CMIP: variants seen among roughly 807,000 people sequenced by gnomAD.
The protein encoded by CMIP is C-Maf-inducing protein.
A neutral mutation model predicts 97.3 loss-of-function variants in CMIP; 13 were observed. The ratio of observed to expected loss-of-function variants is 0.13; its 90% CI spans 0.09 to 0.21. The LOEUF is 0.21. Among genes scored for constraint, CMIP ranks in the 10% least tolerant of loss-of-function variants. CMIP has a pLI of 1.00. For synonymous variants in CMIP, 538 were observed against 436.3 expected, an observed-to-expected ratio of 1.23 and a Z score of -2.91; for missense variants, 847 against 1,024.9, an observed-to-expected ratio of 0.83 and a Z score of 2.37.
At chr16:81,494,126 C>G (rs1355599810) in intron 1 of CMIP, among the ~76,000 whole-genome samples, 1 of 152,208 alleles carries the variant, frequency 6.6e-6, no homozygotes, top group East Asian at 1.9e-4. Flanking sequence ...AAGCTTCCCT[C>G]CAGGCACGGT....
intron 10 of CMIP, among the ~76,000 whole-genome samples, chr16:81,684,040 C>T (rs972066787): frequency 2.6e-5 from 4 of 152,154 alleles, no homozygotes; most frequent in South Asian, 2.1e-4. Context: ...GGATTACAGG[C>T]GTGAGCCACC....
chr16:81,458,980 C>T (rs1053775752), intron 1 of CMIP, among the ~76,000 whole-genome samples: 11 of 152,146 alleles, frequency 7.2e-5, no homozygotes, highest in African/African-American at 1.9e-4. Context: ...CTGTCATCTC[C>T]GCTGTCACCA....
chr16:81,694,940 A>C (rs1451586802), intron 13 of CMIP, among the ~76,000 whole-genome samples: 1 of 152,160 alleles, frequency 6.6e-6, no homozygotes, highest in Non-Finnish European at 1.5e-5. Context: ...TTTTTCTTAA[A>C]CTTAAGTCTT....
At chr16:81,701,550 A>T in intron 15 of CMIP, 110 bp from the exon 16 acceptor site, 1 of 1,467,260 alleles carries the variant, frequency 6.8e-7, no homozygotes, top group Non-Finnish European at 9.5e-7. Context: ...GGCTGCAGAA[A>T]GGGGATAGTG....
rs370967588 is a variant in CMIP at position 81,514,500 on chromosome 16, C to G, written c.300+68959C>G. Among the ~76,000 whole-genome samples, 9 of 152,338 alleles carry G rather than the reference C, an allele frequency of 5.9e-5. 1 individual carries two copies. In the South Asian group the frequency reaches 1.9e-3, roughly 32 times the overall value. On this transcript the variant is annotated intron_variant, in intron 1 of 20. Transcript: ENST00000537098. The stretch of plus-strand genomic sequence containing the variant: ...ACCTTAGACAAGTGGTTTGCGCTCA[C>G]TGAGCCTCCATTCTTCATCTGCAAA...
intron 1 of CMIP, among the ~76,000 whole-genome samples, chr16:81,552,509 A>C (rs1243750015): frequency 1.3e-5 from 2 of 152,146 alleles, no homozygotes; most frequent in African/African-American, 2.4e-5. Context: ...CAGCTTCTAG[A>C]GGCCACCTGC....
At chr16:81,553,713 C>G (rs2090706670) in intron 1 of CMIP, among the ~76,000 whole-genome samples, 1 of 152,254 alleles carries the variant, frequency 6.6e-6, no homozygotes, top group South Asian at 2.1e-4. Context: ...TTTGTGTTTT[C>G]TCTTTCCCGT....
chr16:81,700,741 G>A (rs908897384), intron 15 of CMIP, among the ~76,000 whole-genome samples: 1 of 152,210 alleles, frequency 6.6e-6, no homozygotes. Context: ...GGGACATCCC[G>A]GGCGGAGGCT....
At chr16:81,570,643 G>C (rs1021329426) in intron 1 of CMIP, among the ~76,000 whole-genome samples, 9 of 152,114 alleles carry the variant, frequency 5.9e-5, no homozygotes, top group Admixed American at 2.0e-4. Flanking sequence ...GGAGAACCAG[G>C]GATGGCCTGA....
At chr16:81,636,792 C>T (rs1033634679) in intron 3 of CMIP, among the ~76,000 whole-genome samples, 13 of 152,046 alleles carry the variant, frequency 8.6e-5, no homozygotes, top group Non-Finnish European at 1.3e-4. Context: ...GGTCCTCCCC[C>T]GAGCCACTTC....
intron 1 of CMIP, among the ~76,000 whole-genome samples, chr16:81,491,664 C>G (rs960272296): frequency 2.0e-5 from 3 of 152,306 alleles, no homozygotes; most frequent in African/African-American, 7.2e-5. Context: ...CCTCACTTGG[C>G]GAACTCTTGC....
intron 1 of CMIP, among the ~76,000 whole-genome samples, chr16:81,590,035 C>A (rs1393877213): frequency 2.7e-5 from 4 of 150,790 alleles, no homozygotes; most frequent in Admixed American, 2.6e-4. Context: ...GGATTGACTG[C>A]AGGGGCTGCC....
chr16:81,684,558 G>A (rs910145425), intron 10 of CMIP, among the ~76,000 whole-genome samples: 1 of 152,260 alleles, frequency 6.6e-6, no homozygotes, highest in African/African-American at 2.4e-5. Flanking sequence ...GCTGCGTGAG[G>A]TGGGAGACCC....
rs943744816 is a variant in CMIP, at chr16:81,672,015, C to G, written c.979C>G (p.Leu327Val). 3 of 1,606,638 alleles carry G rather than the reference C, an allele frequency of 1.9e-6. No individual in the cohort carries two copies. The highest frequency in any genetic ancestry group is 2.6e-6 in the Non-Finnish European group (3 of 1,176,394). ...CCCCCACCCCCGGGTCCTGCCCAACCTGGTGGCCGTGTGCCTGGCTGCCAT... is the reference window on the plus strand; with the variant it reads ...CCCCCACCCCCGGGTCCTGCCCAACGTGGTGGCCGTGTGCCTGGCTGCCAT... Reference protein sequence around the residue: ...HCPHPRVLPNLVAVCLAAIYS... With the variant: ...HCPHPRVLPNVVAVCLAAIYS... Residue 327 changes from leucine to valine, a missense_variant, in exon 9 of 21, where the codon CTG (leucine) becomes GTG (valine). Transcript: ENST00000537098.
chr16:81,557,143 A>T (rs1473580759), intron 1 of CMIP, among the ~76,000 whole-genome samples: 1 of 152,246 alleles, frequency 6.6e-6, no homozygotes, highest in Non-Finnish European at 1.5e-5. Flanking sequence ...AATCCTCTCT[A>T]CTGTCTTTTC....
At chr16:81,596,444 T>G (rs1264196933) in intron 1 of CMIP, among the ~76,000 whole-genome samples, 4 of 149,404 alleles carry the variant, frequency 2.7e-5, no homozygotes, top group Admixed American at 1.3e-4. Flanking sequence ...GAGGCAGAGG[T>G]TGCAGTGAGC....
chr16:81,546,017 C>G lies in CMIP; in HGVS notation c.301-61550C>G, dbSNP rs1012294415. Among the ~76,000 whole-genome samples the G allele has an allele frequency of 2.0e-5, 3 of 152,086 alleles. No homozygotes were observed. The South Asian group carries it at 6.2e-4, about 32-fold the overall frequency. ...GACGGGGCGGTGGGTGGGGAAAACGCAAATGGCGCTCGCTGTGAATAGCAG... is the reference window on the plus strand; with the variant it reads ...GACGGGGCGGTGGGTGGGGAAAACGGAAATGGCGCTCGCTGTGAATAGCAG... On this transcript the variant is annotated intron_variant, in intron 1 of 20. Coordinates refer to ENST00000537098, the MANE Select transcript of CMIP (RefSeq NM_198390.3).
rs549773834 is a variant in CMIP at position 81,587,853 on chromosome 16, A to G, written c.301-19714A>G. Among the ~76,000 whole-genome samples, 5 of 152,294 alleles carry G rather than the reference A, an allele frequency of 3.3e-5. No homozygotes were observed. In the East Asian group the frequency reaches 9.7e-4, roughly 29 times the overall value. ...GCCTGACTGTCCAGCCTCCTGGAGA[A>G]AGGTGGCCAGGTCCGTGTGTGGACA... On this transcript the variant is annotated intron_variant, in intron 1 of 20. Coordinates refer to ENST00000537098, the MANE Select transcript of CMIP (RefSeq NM_198390.3).
chr16:81,676,061 G>A (rs1904302642), intron 9 of CMIP, among the ~76,000 whole-genome samples: 1 of 152,218 alleles, frequency 6.6e-6, no homozygotes, highest in Non-Finnish European at 1.5e-5. Context: ...CTGCTGCTGT[G>A]AGGAGGATGG....
Sources: allele counts gnomAD v4.1 joint callset (sites outside exome capture counted in the v4.1 genomes callset), GRCh38; gene constraint gnomAD v4.1.1; transcripts MANE v1.5; gene names NCBI Gene and HGNC (gene_info 2026-07-23, HGNC 2026-07-21).